The following NXPH1 variants were observed in gnomAD, a reference collection of about 807,000 sequenced individuals.
NXPH1 encodes neurexophilin-1.
A neutral mutation model predicts 23.7 loss-of-function variants in NXPH1; 5 were observed. That is an observed-to-expected ratio of 0.21 (90% confidence interval 0.11 to 0.44). The LOEUF (loss-of-function observed/expected upper bound fraction) is 0.44, where lower values mean the gene tolerates loss of function less well. NXPH1 is among the 20% of genes least tolerant of loss of function. The pLI is 0.99. For missense variants in NXPH1, 324 were observed against 321.6 expected (o/e 1.01, Z -0.06); for synonymous variants, 144 against 122.2 (o/e 1.18, Z -1.18).
At chr7:8,617,585 A>G (rs1429431477) in intron 2 of NXPH1, among the ~76,000 whole-genome samples, 2 of 152,110 alleles carry the variant, frequency 1.3e-5, no homozygotes, top group African/African-American at 4.8e-5. Flanking sequence ...GTTCTCATTT[A>G]TTTGTGGGAT....
chr7:8,592,563 T>C (rs779114118), intron 2 of NXPH1, among the ~76,000 whole-genome samples: 1 of 152,066 alleles, frequency 6.6e-6, no homozygotes, highest in Non-Finnish European at 1.5e-5. Flanking sequence ...TTAAGTAGTA[T>C]GTTAACCATT....
In NXPH1 at chr7:8,433,955, A is replaced by G. The variant is rs1816142907; in HGVS notation, c.-911A>G. 6.6e-6 allele frequency: 1 copy of G among 152,206 alleles called. No homozygotes were observed. The highest frequency in any genetic ancestry group is 2.4e-5 in the African/African-American group (1 of 41,434). The allele number at this position is 152,206 out of a possible 1,614,324, so 9.4% of individuals were successfully genotyped here. On this transcript the variant is annotated 5_prime_UTR_variant, in exon 1 of 3. Transcript: ENST00000405863. This position sits in a 1 kb window ranked among gnomAD's most constrained non-coding sequence, Gnocchi z 6.8. ...TGAGGAATCATTCACCCACGTGCCA[A>G]AGTAATTGTCCGTGTCAGGAAGGTA...
intron 2 of NXPH1, among the ~76,000 whole-genome samples, chr7:8,645,079 G>A (rs1332306637): frequency 2.6e-5 from 4 of 152,028 alleles, no homozygotes; most frequent in African/African-American, 9.7e-5. Context: ...TTCTCTTGTT[G>A]GTAAACATCT....
intron 2 of NXPH1, among the ~76,000 whole-genome samples, chr7:8,612,975 GACTA>G (rs571473805): frequency 4.9e-4 from 74 of 152,184 alleles, no homozygotes; most frequent in African/African-American, 1.7e-3. Flanking sequence ...AGGGAATGCA[GACTA>G]ACTTTCAATT....
intron 2 of NXPH1, among the ~76,000 whole-genome samples, chr7:8,543,013 A>G (rs562915827): frequency 6.6e-6 from 1 of 151,668 alleles, no homozygotes; most frequent in Non-Finnish European, 1.5e-5. Context: ...TTTCCTTCAG[A>G]CAACATTTAA....
chr7:8,644,647 A>T (rs1447636393), intron 2 of NXPH1, among the ~76,000 whole-genome samples: 4 of 152,052 alleles, frequency 2.6e-5, no homozygotes, highest in African/African-American at 9.7e-5. Flanking sequence ...TGATAGTGTC[A>T]TGTTTTTTAA....
intron 2 of NXPH1, among the ~76,000 whole-genome samples, chr7:8,573,649 T>A (rs1225590229): frequency 6.6e-6 from 1 of 152,132 alleles, no homozygotes; most frequent in African/African-American, 2.4e-5. Flanking sequence ...ATGAGCTTTC[T>A]TTTTGCAGGG....
intron 2 of NXPH1, among the ~76,000 whole-genome samples, chr7:8,515,694 G>A (rs1419079075): frequency 2.0e-5 from 3 of 152,056 alleles, no homozygotes; most frequent in African/African-American, 4.8e-5. Flanking sequence ...GCATAAATTT[G>A]GAATCATTGT....
intron 2 of NXPH1, among the ~76,000 whole-genome samples, chr7:8,583,221 C>A (rs556381325): frequency 3.9e-5 from 6 of 152,180 alleles, no homozygotes; most frequent in Non-Finnish European, 7.3e-5. Context: ...ATTATGACTT[C>A]CCAAAATAGG....
chr7:8,642,939 A>G (rs893591615), intron 2 of NXPH1, among the ~76,000 whole-genome samples: 3 of 151,820 alleles, frequency 2.0e-5, no homozygotes, highest in Non-Finnish European at 2.9e-5. Flanking sequence ...ATCTCGGTTC[A>G]CCACAACCTC....
Position 8,726,436 on chromosome 7 carries a change from T to C in NXPH1, c.55-24572T>C, listed in dbSNP as rs1203070246. On this transcript the variant is annotated intron_variant, in intron 2 of 2. Transcript: ENST00000405863. Reference sequence around the variant, plus strand: ...TGCCATGCTGGTGCGCTGCACCCACTAACTCGTCATCTAGCATTAGGTATA... The same window carrying C: ...TGCCATGCTGGTGCGCTGCACCCACCAACTCGTCATCTAGCATTAGGTATA... Among the ~76,000 whole-genome samples the C allele has an allele frequency of 6.0e-5, 9 of 151,224 alleles. No homozygotes were observed. In the East Asian group the frequency reaches 1.8e-3, roughly 30 times the overall value.
chr7:8,666,406 C>T (rs1290390677), intron 2 of NXPH1, among the ~76,000 whole-genome samples: 1 of 151,866 alleles, frequency 6.6e-6, no homozygotes, highest in Admixed American at 6.6e-5. Context: ...AATAAGAAAT[C>T]CTTTTAATAT....
chr7:8,664,847 C>A (rs1820735165), intron 2 of NXPH1, among the ~76,000 whole-genome samples: 1 of 151,926 alleles, frequency 6.6e-6, no homozygotes, highest in African/African-American at 2.4e-5. Context: ...AATGTCTATT[C>A]AGTTTATTTG....
intron 2 of NXPH1, among the ~76,000 whole-genome samples, chr7:8,515,598 C>A (rs1385560280): frequency 1.3e-5 from 2 of 152,116 alleles, no homozygotes; most frequent in East Asian, 3.9e-4. Flanking sequence ...AAGTAGTTTG[C>A]TTTAAGAATA....
intron 2 of NXPH1, among the ~76,000 whole-genome samples, chr7:8,693,329 G>C (rs1821252600): frequency 6.6e-6 from 1 of 152,104 alleles, no homozygotes; most frequent in African/African-American, 2.4e-5. Context: ...GCGTAAGAGA[G>C]GGATGCTTAT....
chr7:8,540,934 T>A (rs1374536033), intron 2 of NXPH1, among the ~76,000 whole-genome samples: 3 of 151,730 alleles, frequency 2.0e-5, no homozygotes, highest in African/African-American at 7.3e-5. Flanking sequence ...ATCAAACTAT[T>A]TCTAAGTAAC....
intron 2 of NXPH1, among the ~76,000 whole-genome samples, chr7:8,664,184 C>G (rs186788569): frequency 6.6e-6 from 1 of 152,142 alleles, no homozygotes; most frequent in African/African-American, 2.4e-5. Context: ...GTAAGCTTAT[C>G]CCATCTCCTC....
At chr7:8,475,737 CTTCTA>C (rs1465260067) in intron 2 of NXPH1, among the ~76,000 whole-genome samples, 3 of 152,098 alleles carry the variant, frequency 2.0e-5, no homozygotes, top group African/African-American at 7.2e-5. Context: ...CTCTTCACCT[CTTCTA>C]TTCTTGTCTT....
intron 2 of NXPH1, among the ~76,000 whole-genome samples, chr7:8,696,460 A>G (rs1203349683): frequency 6.6e-6 from 1 of 152,238 alleles, no homozygotes; most frequent in African/African-American, 2.4e-5. Flanking sequence ...GATGAAAATA[A>G]AGCAAGATAT....
Sources: allele counts gnomAD v4.1 joint callset (sites outside exome capture counted in the v4.1 genomes callset), GRCh38; gene constraint gnomAD v4.1.1; non-coding constraint Gnocchi (gnomAD v3.1); transcripts MANE v1.5; gene names NCBI Gene and HGNC (gene_info 2026-07-23, HGNC 2026-07-21).